Variants in CHST11 observed in about 807,000 individuals in gnomAD.
CHST11 encodes the protein C4S-1.
A neutral mutation model predicts 30.4 loss-of-function variants in CHST11; 9 were observed. That is an observed-to-expected ratio of 0.30 (90% CI 0.18 to 0.52). The LOEUF is 0.52. Among genes scored for constraint, CHST11 ranks in the 20% least tolerant of loss-of-function variants. The probability of loss-of-function intolerance (pLI) is 0.97; values close to 1 mark genes in which losing one functional copy is unlikely to be tolerated. For missense variants in CHST11, 348 were observed against 460.6 expected (o/e 0.76, Z 2.24); for synonymous variants, 152 against 187.8 (o/e 0.81, Z 1.56).
intron 2 of CHST11, among the ~76,000 whole-genome samples, chr12:104,666,883 G>A (rs963063594): frequency 1.3e-5 from 2 of 151,820 alleles, no homozygotes; most frequent in African/African-American, 2.4e-5. Flanking sequence ...CAGATAAGTC[G>A]TTGCCCCTTG....
At chr12:104,512,520 C>T (rs2037975455) in intron 1 of CHST11, among the ~76,000 whole-genome samples, 1 of 152,186 alleles carries the variant, frequency 6.6e-6, no homozygotes, top group South Asian at 2.1e-4. Flanking sequence ...TTTCCCTGGA[C>T]AATCCTGTTT....
chr12:104,724,495 T>G (rs2040202283), intron 2 of CHST11, among the ~76,000 whole-genome samples: 2 of 152,102 alleles, frequency 1.3e-5, no homozygotes, highest in Admixed American at 1.3e-4. Context: ...AAGGGGAGAC[T>G]TCTGGGTGGT....
chr12:104,598,695 G>A (rs1380760628), intron 1 of CHST11, among the ~76,000 whole-genome samples: 2 of 152,202 alleles, frequency 1.3e-5, no homozygotes, highest in South Asian at 2.1e-4. Context: ...AACATGACAC[G>A]GAGGATTTGG....
chr12:104,679,317 G>A (rs1236504304), intron 2 of CHST11, among the ~76,000 whole-genome samples: 1 of 152,110 alleles, frequency 6.6e-6, no homozygotes, highest in Non-Finnish European at 1.5e-5. Context: ...AGCCCCCACC[G>A]GCCAGGAGAG....
chr12:104,748,711 A>G (rs2040407597), intron 2 of CHST11, among the ~76,000 whole-genome samples: 1 of 152,198 alleles, frequency 6.6e-6, no homozygotes, highest in African/African-American at 2.4e-5. Flanking sequence ...CCCAGCCTCC[A>G]GAACTGTGAA....
intron 2 of CHST11, among the ~76,000 whole-genome samples, chr12:104,749,915 C>T (rs1042457964): frequency 6.6e-6 from 1 of 152,174 alleles, no homozygotes; most frequent in Non-Finnish European, 1.5e-5. Context: ...ATAGAACCCC[C>T]AGGAGTCTAG....
chr12:104,657,324 G>T (rs904370142), intron 2 of CHST11, among the ~76,000 whole-genome samples: 6 of 152,230 alleles, frequency 3.9e-5, no homozygotes, highest in Non-Finnish European at 2.9e-5. Context: ...GTTATTGTCA[G>T]CGATTTGTGT....
At chr12:104,531,129 T>C (rs961960471) in intron 1 of CHST11, among the ~76,000 whole-genome samples, 1 of 152,184 alleles carries the variant, frequency 6.6e-6, no homozygotes, top group Non-Finnish European at 1.5e-5. Context: ...TTTTTTCTCC[T>C]AGGAGAAGAA....
At chr12:104,678,003 A>G (rs1464417266) in intron 2 of CHST11, among the ~76,000 whole-genome samples, 1 of 152,208 alleles carries the variant, frequency 6.6e-6, no homozygotes, top group East Asian at 1.9e-4. Flanking sequence ...CAGATGAAAT[A>G]TCACCTCCTT....
chr12:104,613,996 T>C (rs933281845), intron 2 of CHST11, among the ~76,000 whole-genome samples: 1 of 152,174 alleles, frequency 6.6e-6, no homozygotes, highest in African/African-American at 2.4e-5. Context: ...TGGTTAATAA[T>C]AATATATTGT....
At chr12:104,545,127 CA>C (rs1203224097) in intron 1 of CHST11, among the ~76,000 whole-genome samples, 1 of 152,060 alleles carries the variant, frequency 6.6e-6, no homozygotes, top group African/African-American at 2.4e-5. Context: ...AAAAGGGAGA[CA>C]AAGACCCAAG....
At chr12:104,464,336 G>A (rs148759167) in intron 1 of CHST11, among the ~76,000 whole-genome samples, 1 of 152,136 alleles carries the variant, frequency 6.6e-6, no homozygotes, top group Non-Finnish European at 1.5e-5. Context: ...CCAAAGTGCT[G>A]GTAGAGGTGT....
At chr12:104,571,864 TC>T (rs1402371211) in intron 1 of CHST11, among the ~76,000 whole-genome samples, 1 of 152,198 alleles carries the variant, frequency 6.6e-6, no homozygotes, top group Non-Finnish European at 1.5e-5. Flanking sequence ...CATAGATAGC[TC>T]TTATTATTTT....
intron 1 of CHST11, among the ~76,000 whole-genome samples, chr12:104,546,029 C>T (rs935257987): frequency 2.6e-5 from 4 of 152,134 alleles, no homozygotes; most frequent in African/African-American, 9.7e-5. Flanking sequence ...TAATTACCTC[C>T]CACAGGCTCC....
chr12:104,572,890 A>ATT (rs2038643115), intron 1 of CHST11, among the ~76,000 whole-genome samples: 1 of 152,228 alleles, frequency 6.6e-6, no homozygotes, highest in Non-Finnish European at 1.5e-5. Context: ...AAGGAAATAA[A>ATT]GGGTATTCAA....
chr12:104,583,312 C>T (rs1288582804), intron 1 of CHST11, among the ~76,000 whole-genome samples: 1 of 152,150 alleles, frequency 6.6e-6, no homozygotes, highest in African/African-American at 2.4e-5. Context: ...TTTTTCCCCT[C>T]CTTGGGATCA....
intron 2 of CHST11, among the ~76,000 whole-genome samples, chr12:104,730,057 C>T (rs1043241217): frequency 6.6e-6 from 1 of 152,226 alleles, no homozygotes; most frequent in African/African-American, 2.4e-5. Context: ...TGTCAGCTGA[C>T]AGCGGAGCTA....
At chr12:104,525,301 A>G (rs1237056830) in intron 1 of CHST11, among the ~76,000 whole-genome samples, 1 of 152,154 alleles carries the variant, frequency 6.6e-6, no homozygotes, top group African/African-American at 2.4e-5. Flanking sequence ...CTTAAGAGAT[A>G]TTTTTAAACC....
At chr12:104,580,786 C>T (rs973561193) in intron 1 of CHST11, among the ~76,000 whole-genome samples, 11 of 152,026 alleles carry the variant, frequency 7.2e-5, no homozygotes, top group Non-Finnish European at 1.0e-4. Flanking sequence ...TTTGTAGAGA[C>T]GGGGTTTCAA....
Sources: allele counts gnomAD v4.1 joint callset (sites outside exome capture counted in the v4.1 genomes callset), GRCh38; gene constraint gnomAD v4.1.1; transcripts MANE v1.5; gene names NCBI Gene and HGNC (gene_info 2026-07-23, HGNC 2026-07-21).